The following CORIN variants were observed in gnomAD, a reference collection of about 807,000 sequenced individuals.
The protein encoded by CORIN is corin, serine peptidase, also known as atrial natriuretic peptide-converting enzyme.
CORIN carries 117 observed loss-of-function variants against 125.3 expected under a neutral mutation model. The observed-to-expected ratio is 0.93, with a 90% CI of 0.80 to 1.09. The LOEUF is 1.09. Among genes scored for constraint, CORIN ranks in the 50% least tolerant of loss-of-function variants. The probability of loss-of-function intolerance (pLI) is 0.00; values close to 1 mark genes in which losing one functional copy is unlikely to be tolerated. For missense variants in CORIN, 1,253 were observed against 1,306.7 expected (o/e 0.96, Z 0.63); for synonymous variants, 450 against 466.4 (o/e 0.96, Z 0.45).
intron 19 of CORIN, among the ~76,000 whole-genome samples, chr4:47,616,954 T>C (rs1722088347): frequency 1.3e-5 from 2 of 152,218 alleles, no homozygotes; most frequent in African/African-American, 4.8e-5. Flanking sequence ...ATATGCTTGT[T>C]TTAAAATGGG....
chr4:47,695,215 C>CA (rs1478445712), intron 5 of CORIN, among the ~76,000 whole-genome samples: 1 of 152,174 alleles, frequency 6.6e-6, no homozygotes, highest in Non-Finnish European at 1.5e-5. Context: ...CCAGTCTGTA[C>CA]AATATCCTCT....
At chr4:47,646,765 T>G (rs1253983081) in intron 13 of CORIN, among the ~76,000 whole-genome samples, 1 of 152,202 alleles carries the variant, frequency 6.6e-6, no homozygotes, top group Admixed American at 6.5e-5. Context: ...AAAATATAAT[T>G]TATTTTAAGG....
intron 4 of CORIN, among the ~76,000 whole-genome samples, chr4:47,762,014 A>C (rs551240911): frequency 6.6e-6 from 1 of 152,188 alleles, no homozygotes; most frequent in South Asian, 2.1e-4. Flanking sequence ...ACACACATAT[A>C]TATACACATA....
chr4:47,631,669 C>T (rs1449470549), intron 16 of CORIN, among the ~76,000 whole-genome samples: 1 of 152,136 alleles, frequency 6.6e-6, no homozygotes, highest in Non-Finnish European at 1.5e-5. Flanking sequence ...CCATTCCCCC[C>T]ATCCCATCCC....
chr4:47,736,282 C>T (rs1245481526), intron 5 of CORIN, among the ~76,000 whole-genome samples: 1 of 152,094 alleles, frequency 6.6e-6, no homozygotes, highest in Admixed American at 6.5e-5. Context: ...TACTAAACAA[C>T]GTGTGAAAAA....
intron 15 of CORIN, 25 bp downstream of exon 15, chr4:47,643,121 C>T (rs1418778293): frequency 3.1e-6 from 5 of 1,614,044 alleles, no homozygotes; most frequent in Non-Finnish European, 4.2e-6. Flanking sequence ...GAGAGTACAA[C>T]AGATGGCAGA....
intron 3 of CORIN, among the ~76,000 whole-genome samples, chr4:47,777,809 G>T (rs1730365297): frequency 6.6e-6 from 1 of 152,170 alleles, no homozygotes; most frequent in Non-Finnish European, 1.5e-5. Context: ...AAGTGAAAAG[G>T]CATATTTTCC....
intron 2 of CORIN, 65 bp downstream of exon 2, chr4:47,806,838 C>T: frequency 6.7e-7 from 1 of 1,489,400 alleles, no homozygotes; most frequent in Non-Finnish European, 9.0e-7. Context: ...AAGTAGAAAT[C>T]ACTCTTCTAG....
Position 47,837,920 on chromosome 4 carries a change from T to C in CORIN, c.30A>G (p.Glu10=). The C allele has an allele frequency of 6.2e-7, 1 of 1,613,740 alleles. No homozygotes were observed. Among genetic ancestry groups the C allele is most frequent in the South Asian group, 1.1e-5 (1 of 91,080 alleles). The stretch of plus-strand genomic sequence containing the variant: ...GGGACCCGGCTCTGCGGCAGCGCTC[T>C]TCCGGAGCGAGGGCAGGAGACTGTT... MKQSPALAP[E]ERCRRAGSPK... is the part of the protein sequence containing the mutation. Residue 10 remains glutamate (E), a synonymous_variant, in exon 1 of 22, where the codon GAA becomes GAG. Coordinates refer to ENST00000273857, the MANE Select transcript of CORIN (RefSeq NM_006587.4).
intron 4 of CORIN, among the ~76,000 whole-genome samples, chr4:47,758,436 T>C (rs909503061): frequency 1.3e-5 from 2 of 152,084 alleles, no homozygotes; most frequent in East Asian, 1.9e-4. Context: ...GCAATTCCTA[T>C]CAAAATACCA....
At chr4:47,686,140 G>A (rs1725507140) in intron 6 of CORIN, among the ~76,000 whole-genome samples, 1 of 149,556 alleles carries the variant, frequency 6.7e-6, no homozygotes, top group Non-Finnish European at 1.5e-5. Context: ...ACATATACAT[G>A]AATCATAAAT....
At chr4:47,662,600 T>C (rs1312688718) in intron 11 of CORIN, among the ~76,000 whole-genome samples, 1 of 152,116 alleles carries the variant, frequency 6.6e-6, no homozygotes, top group African/African-American at 2.4e-5. Flanking sequence ...TGTCTCAATA[T>C]ATTACTAAGA....
intron 6 of CORIN, among the ~76,000 whole-genome samples, chr4:47,686,887 A>T (rs958242481): frequency 4.6e-5 from 7 of 152,186 alleles, no homozygotes; most frequent in Admixed American, 3.9e-4. Flanking sequence ...CCCCTTTCAG[A>T]ATCTGATTAA....
chr4:47,793,715 A>G (rs1365878046), intron 2 of CORIN, among the ~76,000 whole-genome samples: 1 of 152,182 alleles, frequency 6.6e-6, no homozygotes, highest in African/African-American at 2.4e-5. Context: ...AATGCAGCAC[A>G]TTGGATAAAA....
chr4:47,754,588 TC>T (rs1729051717), intron 4 of CORIN, among the ~76,000 whole-genome samples: 1 of 152,166 alleles, frequency 6.6e-6, no homozygotes, highest in East Asian at 1.9e-4. Context: ...AGCCTGAAAT[TC>T]TATTTTCTAC....
chr4:47,758,708 C>T (rs376904713), intron 4 of CORIN, among the ~76,000 whole-genome samples: 2 of 152,326 alleles, frequency 1.3e-5, no homozygotes, highest in East Asian at 3.9e-4. Flanking sequence ...CAGTTACCCC[C>T]ATGTTGCTGT....
chr4:47,623,661 C>T lies in CORIN; in HGVS notation c.2450G>A (p.Cys817Tyr), dbSNP rs1722429032. 1 of 1,614,090 alleles carries T rather than the reference C, an allele frequency of 6.2e-7. No individual in the cohort carries two copies. Among genetic ancestry groups the T allele is most frequent in the African/African-American group, 1.3e-5 (1 of 74,928 alleles). ...TCCACTGGGTTCACTCTGCAGAGAA[C>T]ACTGCCATGGCCACCTTCCAGGGCG... ...TSRPGRWPWQ[C>Y]SLQSEPSGHI... The change falls in exon 19 of 22, where the codon TGT (cysteine) becomes TAT (tyrosine). Residue 817 changes from cysteine (C) to tyrosine (Y), a missense_variant. Cys to Tyr is a radical substitution (Grantham distance 194). Coordinates refer to ENST00000273857, the MANE Select transcript of CORIN (RefSeq NM_006587.4).
intron 10 of CORIN, among the ~76,000 whole-genome samples, chr4:47,669,003 GA>G (rs1425599194): frequency 6.6e-6 from 1 of 152,124 alleles, no homozygotes; most frequent in Non-Finnish European, 1.5e-5. Flanking sequence ...GCTCATGTGT[GA>G]TCCTGATTTA....
At chr4:47,688,533 T>A (rs1218323589) in intron 6 of CORIN, among the ~76,000 whole-genome samples, 1 of 152,082 alleles carries the variant, frequency 6.6e-6, no homozygotes, top group African/African-American at 2.4e-5. Context: ...GCTCGGGTAG[T>A]GGAGGCTGCA....
Sources: allele counts gnomAD v4.1 joint callset (sites outside exome capture counted in the v4.1 genomes callset), GRCh38; gene constraint gnomAD v4.1.1; transcripts MANE v1.5; gene names NCBI Gene and HGNC (gene_info 2026-07-23, HGNC 2026-07-21).